FOXN3: variants seen among roughly 807,000 people sequenced by gnomAD.
The protein encoded by FOXN3 is forkhead box protein N3.
Under a neutral mutation model 38.4 loss-of-function variants are expected in FOXN3, and 7 were observed. That is an observed-to-expected ratio of 0.18 (90% confidence interval 0.10 to 0.34). The LOEUF is 0.34. FOXN3 is among the 10% of genes least tolerant of loss of function. FOXN3 has a pLI of 1.00. For missense variants in FOXN3, 456 were observed against 613.4 expected, an observed-to-expected ratio of 0.74 and a Z score of 2.71; for synonymous variants, 230 against 242.2, an observed-to-expected ratio of 0.95 and a Z score of 0.47.
chr14:89,522,418 C>A (rs1331894971), intron 1 of FOXN3, among the ~76,000 whole-genome samples: 4 of 152,080 alleles, frequency 2.6e-5, no homozygotes, highest in Non-Finnish European at 5.9e-5. Flanking sequence ...TCTGCGTGTA[C>A]ACAAAAGAAT....
chr14:89,387,262 T>C (rs1890816853), intron 2 of FOXN3, among the ~76,000 whole-genome samples: 1 of 151,916 alleles, frequency 6.6e-6, no homozygotes, highest in Admixed American at 6.6e-5. Flanking sequence ...TCTCAATCAA[T>C]CAATCAATCA....
At chr14:89,298,493 G>T (rs1486189825) in intron 3 of FOXN3, among the ~76,000 whole-genome samples, 1 of 110,156 alleles carries the variant, frequency 9.1e-6, no homozygotes, top group South Asian at 3.0e-4. Context: ...AAAAAAAAAA[G>T]GCTGGATAGT....
At chr14:89,315,079 AG>A (rs767896012) in intron 3 of FOXN3, among the ~76,000 whole-genome samples, 1 of 152,038 alleles carries the variant, frequency 6.6e-6, no homozygotes, top group Non-Finnish European at 1.5e-5. Flanking sequence ...ATACCAGATC[AG>A]CCCCCTCCAT....
intron 3 of FOXN3, among the ~76,000 whole-genome samples, chr14:89,331,608 T>TC (rs1026732026): frequency 6.6e-4 from 100 of 152,342 alleles, no homozygotes; most frequent in African/African-American, 2.3e-3. Context: ...CACATGGGTC[T>TC]CCTCTGTGTT....
At chr14:89,569,362 T>C (rs532584905) in intron 1 of FOXN3, among the ~76,000 whole-genome samples, 1 of 152,264 alleles carries the variant, frequency 6.6e-6, no homozygotes, top group East Asian at 1.9e-4. Flanking sequence ...GGGTGAGCAG[T>C]GGGCTGTAAC....
chr14:89,242,032 G>A (rs751486815), intron 4 of FOXN3, among the ~76,000 whole-genome samples: 3 of 152,148 alleles, frequency 2.0e-5, no homozygotes, highest in Non-Finnish European at 2.9e-5. Flanking sequence ...GTTGCTCCTG[G>A]GAAGTGGGCA....
chr14:89,286,481 G>A (rs745852582), intron 3 of FOXN3, among the ~76,000 whole-genome samples: 3 of 152,134 alleles, frequency 2.0e-5, no homozygotes, highest in Admixed American at 6.5e-5. Flanking sequence ...TTAAGCAACC[G>A]AGCACAGAGT....
chr14:89,407,957 T>C (rs1405155040), intron 2 of FOXN3, among the ~76,000 whole-genome samples: 2 of 152,240 alleles, frequency 1.3e-5, no homozygotes, highest in East Asian at 1.9e-4. Flanking sequence ...CAAGTCATTA[T>C]ACGATTCTAG....
At chr14:89,221,645 C>T (rs1360664228) in intron 4 of FOXN3, among the ~76,000 whole-genome samples, 1 of 152,316 alleles carries the variant, frequency 6.6e-6, no homozygotes, top group Middle Eastern at 3.4e-3. Flanking sequence ...GTCAGACTTT[C>T]GCCACTGTTT....
rs137995816 is a variant in FOXN3, at chr14:89,415,997, T to C, written c.-15+874A>G. 1.3e-3 allele frequency among the ~76,000 whole-genome samples: 195 copies of C among 152,208 alleles called. 2 individuals carry two copies. Among genetic ancestry groups the C allele is most frequent in the African/African-American group, 3.2e-3 (133 of 41,524 alleles). ...GCCTAGTAAACAGAAGGTCTCCAAA[T>C]AACTGACAAAGACATTACTGGCCCA... is the stretch of plus-strand genomic sequence containing the variant. On this transcript the variant is annotated intron_variant, in intron 1 of 5. Coordinates refer to ENST00000557258, the MANE Select transcript of FOXN3 (RefSeq NM_005197.4).
In FOXN3 at chr14:89,509,738, A is replaced by G. The variant is rs150864049; in HGVS notation, c.-14-97248T>C. Among the ~76,000 whole-genome samples the G allele has an allele frequency of 2.5e-3, 387 of 152,370 alleles. 2 individuals carry two copies. Among genetic ancestry groups the G allele is most frequent in the African/African-American group, 9.0e-3 (373 of 41,594 alleles). ...CAGGACACATAATGGGCACTGAAAT[A>G]TTTGCTGAATGAAGAAAGAGTTTAA... On this transcript the variant is annotated intron_variant, in intron 1 of 6. Transcript: ENST00000345097.
intron 4 of FOXN3, among the ~76,000 whole-genome samples, chr14:89,215,693 T>G (rs1365708199): frequency 6.6e-6 from 1 of 152,164 alleles, no homozygotes; most frequent in Non-Finnish European, 1.5e-5. Flanking sequence ...TGAATCCCCA[T>G]CAGATGAAAT....
chr14:89,363,947 A>AATATATATATATATATTATAT (rs1889985779), intron 2 of FOXN3, among the ~76,000 whole-genome samples: 1 of 111,400 alleles, frequency 9.0e-6, no homozygotes, highest in Non-Finnish European at 1.7e-5. Context: ...CTGTCTGTAA[A>AATATATATATATATATTATAT]ATATATATAT....
chr14:89,231,927 C>T (rs1884823877), intron 4 of FOXN3, among the ~76,000 whole-genome samples: 1 of 152,178 alleles, frequency 6.6e-6, no homozygotes, highest in African/African-American at 2.4e-5. Context: ...ACTGAGATGA[C>T]ATTTGCAAGA....
intron 4 of FOXN3, among the ~76,000 whole-genome samples, chr14:89,276,919 G>A (rs1886316594): frequency 6.6e-6 from 1 of 152,202 alleles, no homozygotes; most frequent in African/African-American, 2.4e-5. Context: ...AAGGCATGAA[G>A]CTACCAAGAG....
In FOXN3 at chr14:89,512,334, G is replaced by C. The variant is rs149867142; in HGVS notation, c.-14-99844C>G. Among the ~76,000 whole-genome samples, 457 of 152,336 alleles carry C rather than the reference G, an allele frequency of 3.0e-3. 2 individuals are homozygous for C. Among genetic ancestry groups the C allele is most frequent in the African/African-American group, 0.01 (434 of 41,578 alleles). ...GATGTTAACATTTTTACACGGCATA[G>C]GGTAGGGAGAGGGGCTTTATAGAAA... On this transcript the variant is annotated intron_variant, in intron 1 of 6. Coordinates refer to the FOXN3 transcript ENST00000345097.
chr14:89,321,963 G>C (rs980598735), intron 3 of FOXN3, among the ~76,000 whole-genome samples: 2 of 152,124 alleles, frequency 1.3e-5, no homozygotes, highest in Non-Finnish European at 2.9e-5. Context: ...CTGAACAAAA[G>C]CAAGAATCTT....
chr14:89,190,667 C>T (rs959987126), intron 4 of FOXN3, among the ~76,000 whole-genome samples: 1 of 152,166 alleles, frequency 6.6e-6, no homozygotes, highest in Non-Finnish European at 1.5e-5. Context: ...GTAAATTTTT[C>T]ATCACACAAG....
intron 1 of FOXN3, among the ~76,000 whole-genome samples, chr14:89,586,555 T>C (rs542095336): frequency 1.3e-5 from 2 of 152,340 alleles, no homozygotes; most frequent in East Asian, 3.9e-4. Flanking sequence ...TCCCTGATCA[T>C]GACTCAAAAA....
Sources: allele counts gnomAD v4.1 joint callset (sites outside exome capture counted in the v4.1 genomes callset), GRCh38; gene constraint gnomAD v4.1.1; transcripts MANE v1.5; gene names NCBI Gene and HGNC (gene_info 2026-07-23, HGNC 2026-07-21).